TMIGD3: variants seen among roughly 807,000 people sequenced by gnomAD.
TMIGD3 encodes transmembrane and immunoglobulin domain containing 3.
A neutral mutation model predicts 28.1 loss-of-function variants in TMIGD3; 21 were observed. The observed-to-expected ratio is 0.75, with a 90% CI of 0.53 to 1.08. TMIGD3 has a LOEUF of 1.08. Among genes scored for constraint, TMIGD3 ranks in the 50% least tolerant of loss-of-function variants. TMIGD3 has a pLI of 0.00. For synonymous variants in TMIGD3, 151 were observed against 162.1 expected, an observed-to-expected ratio of 0.93 and a Z score of 0.52; for missense variants, 416 against 435.6, an observed-to-expected ratio of 0.96 and a Z score of 0.40.
At chr1:111,545,755 T>C (rs1010958932) in intron 1 of TMIGD3, among the ~76,000 whole-genome samples, 1 of 152,174 alleles carries the variant, frequency 6.6e-6, no homozygotes, top group Non-Finnish European at 1.5e-5. Context: ...TTATTTTAGC[T>C]CTTATAGTTA....
intron 1 of TMIGD3, among the ~76,000 whole-genome samples, chr1:111,499,026 G>A (rs1655019422): frequency 6.6e-6 from 1 of 150,814 alleles, no homozygotes; most frequent in Non-Finnish European, 1.5e-5. Flanking sequence ...GGGATGTTGA[G>A]GCTGCAATGA....
rs1196737981 is a variant in TMIGD3, at chr1:111,526,041, G to A, written c.108-35279C>T. On this transcript the variant is annotated intron_variant, in intron 1 of 5. Coordinates refer to the TMIGD3 transcript ENST00000369717. ...TTTTTTTCTATTCCATCTGTTCTTGGGTTCTTTTTCCTCTTTTTATGCATT... is the reference window on the plus strand; with the variant it reads ...TTTTTTTCTATTCCATCTGTTCTTGAGTTCTTTTTCCTCTTTTTATGCATT... Among the ~76,000 whole-genome samples, 3 of 151,140 alleles carry A rather than the reference G, an allele frequency of 2.0e-5. No individual in the cohort carries two copies. In the East Asian group the frequency reaches 5.8e-4, roughly 29 times the overall value.
chr1:111,506,926 T>TATAC (rs1553201738), upstream of TMIGD3, among the ~76,000 whole-genome samples: 32,176 of 134,606 alleles, frequency 0.24, 4,049 homozygotes, highest in East Asian at 0.47. Flanking sequence ...TATATATATA[T>TATAC]ACACACACAC....
intron 1 of TMIGD3, among the ~76,000 whole-genome samples, chr1:111,561,583 T>C (rs939461562): frequency 1.2e-4 from 18 of 152,170 alleles, no homozygotes; most frequent in African/African-American, 4.3e-4. Flanking sequence ...CAAGGCCACA[T>C]GGTCAGGTCA....
At chr1:111,504,754 G>A (rs1265564942), upstream of TMIGD3, 3 of 537,538 alleles carry the variant, frequency 5.6e-6, no homozygotes, top group South Asian at 1.6e-4. Flanking sequence ...GCCTCTGCCT[G>A]GGGCTCATCA....
At chr1:111,485,865 A>T in intron 4 of TMIGD3, 25 bp from the exon 5 acceptor site, 1 of 1,571,686 alleles carries the variant, frequency 6.4e-7, no homozygotes, top group Non-Finnish European at 8.7e-7. Context: ...AGCAGATTTC[A>T]TGTTGCTTGG....
At chr1:111,532,219 C>T (rs1184238892) in intron 1 of TMIGD3, among the ~76,000 whole-genome samples, 1 of 152,210 alleles carries the variant, frequency 6.6e-6, no homozygotes, top group African/African-American at 2.4e-5. Context: ...CTTTCTCTCT[C>T]TGGGTACAAC....
intron 1 of TMIGD3, among the ~76,000 whole-genome samples, chr1:111,493,014 G>A (rs893527494): frequency 4.6e-5 from 7 of 152,012 alleles, no homozygotes; most frequent in African/African-American, 1.4e-4. Flanking sequence ...ACATCTTTTA[G>A]AAATAGAAAA....
chr1:111,508,690 T>C (rs1655593935), intron 1 of TMIGD3, among the ~76,000 whole-genome samples: 2 of 152,218 alleles, frequency 1.3e-5, no homozygotes, highest in South Asian at 2.1e-4. Flanking sequence ...AACACAGTAT[T>C]TGTGTTTTGC....
At chr1:111,493,571 C>A (rs988040499) in intron 1 of TMIGD3, among the ~76,000 whole-genome samples, 1 of 152,194 alleles carries the variant, frequency 6.6e-6, no homozygotes, top group Admixed American at 6.5e-5. Context: ...TACCTGCCCT[C>A]AGGTATTCTC....
chr1:111,536,688 T>G (rs1656651106), intron 1 of TMIGD3, among the ~76,000 whole-genome samples: 1 of 152,216 alleles, frequency 6.6e-6, no homozygotes, highest in Non-Finnish European at 1.5e-5. Flanking sequence ...CCATGCTTCA[T>G]GTTCACCCCT....
At chr1:111,500,905 C>A in intron 1 of TMIGD3, 1 of 384,054 alleles carries the variant, frequency 2.6e-6, no homozygotes, top group Non-Finnish European at 4.6e-6. Context: ...ACAACTGTTA[C>A]CTATCTTTTC....
chr1:111,503,825 G>C (rs1655377762), upstream of TMIGD3: 1 of 1,002,230 alleles, frequency 1.0e-6, no homozygotes, highest in Admixed American at 5.2e-5. Flanking sequence ...CAGAAGAGGA[G>C]CCATGAGTGG....
At chr1:111,495,418 A>G (rs959897208) in intron 1 of TMIGD3, among the ~76,000 whole-genome samples, 2 of 152,252 alleles carry the variant, frequency 1.3e-5, no homozygotes, top group Non-Finnish European at 2.9e-5. Flanking sequence ...ATGAGATACC[A>G]TCTCACACCA....
At chr1:111,495,558 CT>C (rs1388400969) in intron 1 of TMIGD3, among the ~76,000 whole-genome samples, 2 of 152,100 alleles carry the variant, frequency 1.3e-5, no homozygotes, top group African/African-American at 2.4e-5. Context: ...GAACCAATTA[CT>C]AAATAAAATT....
intron 1 of TMIGD3, among the ~76,000 whole-genome samples, chr1:111,521,756 A>T (rs972259716): frequency 2.6e-5 from 4 of 152,214 alleles, no homozygotes; most frequent in Non-Finnish European, 5.9e-5. Flanking sequence ...TATGAAGGAC[A>T]AAAGATTTCA....
At chr1:111,508,004 A>G (rs1006097291), upstream of TMIGD3, among the ~76,000 whole-genome samples, 16 of 152,218 alleles carry the variant, frequency 1.1e-4, no homozygotes, top group African/African-American at 3.6e-4. Context: ...CCAGCCACTG[A>G]GGCCAATCCA....
At chr1:111,485,602 C>T in intron 5 of TMIGD3, 138 bp downstream of exon 5, 1 of 646,624 alleles carries the variant, frequency 1.5e-6, no homozygotes, top group Non-Finnish European at 2.7e-6. Flanking sequence ...TCTACCCCAG[C>T]CCATGGCTGG....
At chr1:111,523,889 A>G (rs1571434677) in intron 1 of TMIGD3, among the ~76,000 whole-genome samples, 1 of 151,900 alleles carries the variant, frequency 6.6e-6, no homozygotes, top group East Asian at 1.9e-4. Context: ...AATATTTTCA[A>G]AGAATCTGCT....
Sources: gnomAD v4.1 joint callset for allele counts (sites outside exome capture counted in the v4.1 genomes callset) on GRCh38, gnomAD v4.1.1 for gene constraint, MANE v1.5 for transcripts, NCBI Gene and HGNC (gene_info 2026-07-23, HGNC 2026-07-21) for gene names.